Variants in DNAH14 observed in about 807,000 individuals in gnomAD.
The protein encoded by DNAH14 is dynein axonemal heavy chain 14, also known as axonemal beta dynein heavy chain 14.
A neutral mutation model predicts 520.9 loss-of-function variants in DNAH14; 478 were observed. The ratio of observed to expected loss-of-function variants is 0.92; its 90% CI spans 0.85 to 0.99. The LOEUF is 0.99. Ranked by LOEUF, DNAH14 falls within the 50% of genes least tolerant of loss-of-function variation. The pLI is 0.00. For synonymous variants in DNAH14, 1,581 were observed against 1,757.2 expected (o/e 0.90, Z 2.51); for missense variants, 4,831 against 5,234.5 (o/e 0.92, Z 2.38).
At chr1:225,155,602 C>T (rs902142434) in intron 34 of DNAH14, among the ~76,000 whole-genome samples, 4 of 152,088 alleles carry the variant, frequency 2.6e-5, no homozygotes, top group South Asian at 2.1e-4. Flanking sequence ...TAGTTCTTTA[C>T]GTAAGTATTT....
At chr1:225,350,485 C>A (rs1044631914) in intron 71 of DNAH14, among the ~76,000 whole-genome samples, 2 of 151,278 alleles carry the variant, frequency 1.3e-5, no homozygotes, top group African/African-American at 4.9e-5. Flanking sequence ...TTGAAAAGAT[C>A]AATAAAATTT....
chr1:225,114,495 G>T (rs1234333091), intron 23 of DNAH14, among the ~76,000 whole-genome samples: 3 of 152,136 alleles, frequency 2.0e-5, no homozygotes, highest in East Asian at 3.9e-4. Flanking sequence ...TGCTTCAGCT[G>T]GTGTCTCAAT....
intron 41 of DNAH14, among the ~76,000 whole-genome samples, chr1:225,210,528 A>C (rs2088233225): frequency 6.6e-6 from 1 of 150,712 alleles, no homozygotes; most frequent in Non-Finnish European, 1.5e-5. Flanking sequence ...CTTATAGATA[A>C]AACTCCCATC....
chr1:225,079,116 CTT>C, intron 17 of DNAH14, 89 bp from the exon 18 acceptor site: 1 of 1,177,334 alleles, frequency 8.5e-7, no homozygotes, highest in Non-Finnish European at 1.2e-6. Context: ...TGAAATTAGA[CTT>C]ATATAAGTCA....
chr1:225,250,761 T>G (rs775973662), intron 43 of DNAH14: 42 of 482,302 alleles, frequency 8.7e-5, no homozygotes, highest in Non-Finnish European at 1.4e-4. Flanking sequence ...GCAGTGTAAA[T>G]GGGCTTGGGA....
intron 43 of DNAH14, 123 bp downstream of exon 43, chr1:225,240,945 A>T: frequency 1.3e-6 from 1 of 772,608 alleles, no homozygotes; most frequent in Non-Finnish European, 2.0e-6. Flanking sequence ...AAGAAGGTTT[A>T]TAATATACCC....
intron 66 of DNAH14, among the ~76,000 whole-genome samples, chr1:225,335,837 A>G (rs565821082): frequency 1.8e-5 from 2 of 109,042 alleles, no homozygotes; most frequent in Admixed American, 9.2e-5. Flanking sequence ...ATGTACATAT[A>G]TGTACATACA....
At position 225,324,822 on chromosome 1, in the gene DNAH14, G is replaced by C. The variant is rs1422099407; in HGVS notation, c.9713G>C (p.Gly3238Ala). ...ARQRLAEKQR[G>A]LQLVEEHLLF... ...CAAAGACTTGCTGAGAAACAAAGAG[G>C]TTTACAGCTGGTAAGAAATACAGTT... The change falls in exon 64 of 86, where the codon GGT becomes GCT. Residue 3238 changes from glycine (G) to alanine (A), a missense_variant. Transcript: ENST00000682510. 5.2e-6 allele frequency: 8 copies of C among 1,550,962 alleles called. No homozygotes were observed. The highest frequency in any genetic ancestry group is 7.0e-6 in the Non-Finnish European group (8 of 1,146,584).
At chr1:225,364,626 G>C (rs537551242) in intron 75 of DNAH14, among the ~76,000 whole-genome samples, 166 bp from the exon 76 acceptor site, 12 of 152,008 alleles carry the variant, frequency 7.9e-5, no homozygotes, top group Non-Finnish European at 1.3e-4. Flanking sequence ...CTGATGGGTC[G>C]TGTGCAAATT....
At chr1:224,994,735 A>G (rs1410592093) in intron 8 of DNAH14, among the ~76,000 whole-genome samples, 1 of 151,998 alleles carries the variant, frequency 6.6e-6, no homozygotes, top group Non-Finnish European at 1.5e-5. Flanking sequence ...GTTGTTTTAT[A>G]GATACTTTGT....
At chr1:225,051,292 T>A (rs1392776419) in intron 16 of DNAH14, among the ~76,000 whole-genome samples, 159 bp from the exon 17 acceptor site, 2 of 152,172 alleles carry the variant, frequency 1.3e-5, no homozygotes, top group Non-Finnish European at 2.9e-5. Context: ...TTTCTTAAAG[T>A]CTTGTGTTTC....
chr1:225,252,764 C>A (rs1558163716), intron 44 of DNAH14, among the ~76,000 whole-genome samples: 1 of 151,986 alleles, frequency 6.6e-6, no homozygotes, highest in Non-Finnish European at 1.5e-5. Flanking sequence ...ATGTGAAAAA[C>A]ATATATGTAA....
intron 27 of DNAH14, among the ~76,000 whole-genome samples, chr1:225,126,316 C>T (rs761842248): frequency 2.0e-4 from 30 of 152,208 alleles, no homozygotes; most frequent in Non-Finnish European, 3.1e-4. Context: ...TGGTAGAATT[C>T]GGCTGTGAAT....
At chr1:225,115,843 A>G (rs1401525557) in intron 23 of DNAH14, among the ~76,000 whole-genome samples, 1 of 152,228 alleles carries the variant, frequency 6.6e-6, no homozygotes, top group East Asian at 1.9e-4. Context: ...TACTACAAAG[A>G]TAAAAGACAT....
chr1:225,004,229 A>G (rs910088968), intron 9 of DNAH14, among the ~76,000 whole-genome samples: 1 of 152,214 alleles, frequency 6.6e-6, no homozygotes, highest in African/African-American at 2.4e-5. Context: ...AATTCTTTAT[A>G]TATAAAAATG....
intron 55 of DNAH14, among the ~76,000 whole-genome samples, chr1:225,290,645 GTGTATATATA>G (rs1241135911): frequency 0.013 from 529 of 40,574 alleles, 21 homozygotes; most frequent in South Asian, 0.078. Context: ...GTGTGTGTGT[GTGTATATATA>G]TATATATATA....
intron 8 of DNAH14, among the ~76,000 whole-genome samples, chr1:224,992,640 A>G (rs779599915): frequency 6.6e-6 from 1 of 152,090 alleles, no homozygotes; most frequent in Non-Finnish European, 1.5e-5. Context: ...CCTTAAGAAC[A>G]TGTTGTCAGG....
chr1:225,368,662 A>T (rs1020308740), intron 77 of DNAH14, among the ~76,000 whole-genome samples: 1 of 152,020 alleles, frequency 6.6e-6, no homozygotes, highest in African/African-American at 2.4e-5. Context: ...ACAACATTAC[A>T]CCCTTGATTA....
intron 7 of DNAH14, chr1:224,969,878 T>C (rs2125617603): frequency 6.5e-6 from 1 of 152,706 alleles, no homozygotes; most frequent in Middle Eastern, 3.4e-3. Context: ...CTTCGTAAGC[T>C]GAGGAGGATG....
Sources: allele counts gnomAD v4.1 joint callset (sites outside exome capture counted in the v4.1 genomes callset), GRCh38; gene constraint gnomAD v4.1.1; transcripts MANE v1.5; gene names NCBI Gene and HGNC (gene_info 2026-07-23, HGNC 2026-07-21).